The following OC90 variants were observed in gnomAD, a reference collection of about 807,000 sequenced individuals.
OC90 encodes the protein otoconin 90.
In OC90, 46 loss-of-function variants were observed where a neutral mutation model predicts 47.3. The ratio of observed to expected loss-of-function variants is 0.97; its 90% CI spans 0.77 to 1.24. OC90 has a LOEUF of 1.24. OC90 is among the 50% of genes most tolerant of loss of function. The pLI is 0.00. For missense variants in OC90, 688 were observed against 583.9 expected, an observed-to-expected ratio of 1.18 and a Z score of -1.84; for synonymous variants, 271 against 219.5, an observed-to-expected ratio of 1.23 and a Z score of -2.07.
intron 9 of OC90, among the ~76,000 whole-genome samples, chr8:132,035,343 C>T (rs890226590): frequency 6.6e-6 from 1 of 152,150 alleles, no homozygotes; most frequent in South Asian, 2.1e-4. Context: ...TATTAACTTA[C>T]CACAGCCCCT....
At chr8:132,047,483 G>A (rs7834419) in intron 2 of OC90, among the ~76,000 whole-genome samples, 55,080 of 151,940 alleles carry the variant, frequency 0.36, 10,232 homozygotes, top group East Asian at 0.48. Flanking sequence ...TTACAGGGTA[G>A]TTTTATTTAC....
chr8:132,044,456 A>G lies in OC90; in HGVS notation c.146T>C (p.Val49Ala), dbSNP rs1181842536. 1 of 1,557,088 alleles carries G rather than the reference A, an allele frequency of 6.4e-7. No homozygotes were observed. The highest frequency in any genetic ancestry group is 8.7e-7 in the Non-Finnish European group (1 of 1,143,664). Residue 49 changes from valine (V) to alanine (A), a missense_variant, in exon 4 of 14, where the codon GTG becomes GCG. Transcript: ENST00000254627. ...ACCAAAAATTTCAGCCACACTTTCCACATTTTTAAACATCCCACTGAAGAA... is the reference window on the plus strand; with the variant it reads ...ACCAAAAATTTCAGCCACACTTTCCGCATTTTTAAACATCCCACTGAAGAA... ...ITFFSGMFKN[V>A]ESVAEIFDCL...
rs1823263900 is a variant in OC90, at chr8:132,055,058, C to A, written c.-32G>T. 2 of 1,540,170 alleles carry A rather than the reference C, an allele frequency of 1.3e-6. No individual in the cohort carries two copies. The highest frequency in any genetic ancestry group is 1.4e-5 in the African/African-American group (1 of 72,722). ...AGAACAAAGGATGGGGCTTAGGCAGCAACTGGAACGGACTCCTGGGAGAGA... is the reference window on the plus strand; with the variant it reads ...AGAACAAAGGATGGGGCTTAGGCAGAAACTGGAACGGACTCCTGGGAGAGA... On this transcript the variant is annotated 5_prime_UTR_variant, in exon 2 of 14. Transcript: ENST00000254627.
chr8:132,039,007 C>A lies in OC90; in HGVS notation c.574G>T (p.Ala192Ser). The part of the protein sequence containing the change: ...LNLLDTSFCL[A>S]QTPETTIKED... ...AGGTTCTTCCTACCTGGAGTCTGAG[C>A]CAGGCAGAAGGAGGTGTCCAGAAGG... is the stretch of plus-strand genomic sequence containing the variant. Residue 192 changes from alanine (A) to serine (S), a missense_variant, in exon 7 of 14, where the codon GCT (alanine) becomes TCT (serine). Physicochemically the swap from Ala to Ser is moderately conservative, Grantham distance 99. Coordinates refer to ENST00000254627, the MANE Select transcript of OC90 (RefSeq NM_001080399.3). 1 of 1,613,944 alleles carries A rather than the reference C, an allele frequency of 6.2e-7. No homozygotes were observed. The highest frequency in any genetic ancestry group is 1.1e-5 in the South Asian group (1 of 91,068).
chr8:132,030,081 G>A (rs1334825280), intron 12 of OC90, among the ~76,000 whole-genome samples: 7 of 152,126 alleles, frequency 4.6e-5, no homozygotes, highest in Non-Finnish European at 1.0e-4. Context: ...ATAGCCACTG[G>A]CTAGAGTTCA....
At chr8:132,032,620 T>C (rs989752038) in intron 11 of OC90, among the ~76,000 whole-genome samples, 11 of 152,226 alleles carry the variant, frequency 7.2e-5, no homozygotes, top group Admixed American at 6.5e-4. Flanking sequence ...GCCCCTCCTC[T>C]GTATGCCCAA....
chr8:132,044,285 C>T (rs779894362), intron 4 of OC90, 148 bp downstream of exon 4: 3 of 620,966 alleles, frequency 4.8e-6, no homozygotes, highest in Non-Finnish European at 5.8e-6. Context: ...CCACTACTCT[C>T]GTCGGAACTT....
chr8:132,041,547 A>T lies in OC90; in HGVS notation c.322T>A (p.Leu108Met). 1 of 1,610,668 alleles carries T rather than the reference A, an allele frequency of 6.2e-7. No homozygotes were observed. The highest frequency in any genetic ancestry group is 8.5e-7 in the Non-Finnish European group (1 of 1,178,564). The change falls in exon 5 of 14, where the codon TTG (leucine) becomes ATG (methionine). Residue 108 changes from leucine to methionine, a missense_variant. Transcript: ENST00000254627. ...GCTCRFEMEG[L>M]PVDESDSCCF... Reference sequence around the variant, plus strand: ...TACCTGTCAGATTCATCCACAGGCAACCCTTCCATCTCAAACCTGCAGGTG... The same window carrying T: ...TACCTGTCAGATTCATCCACAGGCATCCCTTCCATCTCAAACCTGCAGGTG...
At chr8:132,041,388 A>G (rs1269903245) in intron 5 of OC90, 137 bp downstream of exon 5, 2 of 722,576 alleles carry the variant, frequency 2.8e-6, no homozygotes, top group Admixed American at 2.9e-5. Context: ...TCACCCAACT[A>G]GTAGGTAGTG....
chr8:132,039,884 A>AC (rs934852533), intron 6 of OC90, among the ~76,000 whole-genome samples: 3 of 149,238 alleles, frequency 2.0e-5, no homozygotes, highest in African/African-American at 7.4e-5. Flanking sequence ...TTTAAAGAGA[A>AC]CCCCCCCTTT....
chr8:132,053,450 G>A (rs1823243515), intron 2 of OC90, among the ~76,000 whole-genome samples: 1 of 152,220 alleles, frequency 6.6e-6, no homozygotes, highest in Non-Finnish European at 1.5e-5. Context: ...TGGCCAGTGA[G>A]TGGTGGCCTG....
intron 10 of OC90, 48 bp downstream of exon 10, chr8:132,034,733 G>T (rs1822929556): frequency 1.5e-6 from 2 of 1,328,930 alleles, no homozygotes; most frequent in Non-Finnish European, 1.1e-6. Context: ...AAGGACAAAG[G>T]ACATAAATGT....
chr8:132,037,218 A>C (rs952978560), intron 9 of OC90, among the ~76,000 whole-genome samples: 5 of 152,214 alleles, frequency 3.3e-5, no homozygotes, highest in African/African-American at 1.2e-4. Context: ...GTCCCCACCC[A>C]AATCTCATGT....
intron 12 of OC90, among the ~76,000 whole-genome samples, chr8:132,030,852 G>GCCACCCACACAT (rs1289116786): frequency 6.6e-6 from 1 of 152,192 alleles, no homozygotes; most frequent in Non-Finnish European, 1.5e-5. Flanking sequence ...AAAAAACACA[G>GCCACCCACACAT]CCACCCACAC....
chr8:132,054,133 G>A lies in OC90; in HGVS notation c.46+848C>T, dbSNP rs141857014. Among the ~76,000 whole-genome samples the A allele has an allele frequency of 1.6e-3, 244 of 152,254 alleles. 1 individual carries two copies. Among genetic ancestry groups the A allele is most frequent in the African/African-American group, 5.7e-3 (235 of 41,534 alleles). On this transcript the variant is annotated intron_variant, in intron 2 of 13. Transcript: ENST00000254627. Reference sequence around the variant, plus strand: ...GGCTGTGCTTGGAAGTCCAAGGCAGGGTTTGCACAGAGGCCTCGTCCCCTT... The same window carrying A: ...GGCTGTGCTTGGAAGTCCAAGGCAGAGTTTGCACAGAGGCCTCGTCCCCTT...
chr8:132,031,809 G>A (rs1007941517), intron 12 of OC90, 72 bp downstream of exon 12: 8 of 1,367,034 alleles, frequency 5.9e-6, no homozygotes, highest in Non-Finnish European at 8.2e-6. Flanking sequence ...GTCCAGGAGG[G>A]CTGTCACCAC....
rs116469891 is a variant in OC90 at position 132,045,226 on chromosome 8, G to A, written c.112+592C>T. Among the ~76,000 whole-genome samples the A allele has an allele frequency of 5.8e-3, 877 of 152,286 alleles. 11 individuals carry two copies. Among genetic ancestry groups the A allele is most frequent in the African/African-American group, 0.019 (810 of 41,554 alleles). ...TGGGACTGATTACTTTGCAAGTATG[G>A]ACTCACGCATGAATAATTTGGTTGA... is the stretch of plus-strand genomic sequence containing the variant. On this transcript the variant is annotated intron_variant, in intron 3 of 13. Coordinates refer to ENST00000254627, the MANE Select transcript of OC90 (RefSeq NM_001080399.3).
At chr8:132,050,157 G>A (rs1180395417) in intron 2 of OC90, among the ~76,000 whole-genome samples, 2 of 144,206 alleles carry the variant, frequency 1.4e-5, no homozygotes, top group East Asian at 4.4e-4. Context: ...AGCTTTCTAG[G>A]TAAAGGGGTC....
chr8:132,031,186 G>A (rs531536678), intron 12 of OC90, among the ~76,000 whole-genome samples: 1 of 152,184 alleles, frequency 6.6e-6, no homozygotes, highest in East Asian at 1.9e-4. Flanking sequence ...TTGTTTAATT[G>A]TCCATCTCTT....
Sources: allele counts gnomAD v4.1 joint callset (sites outside exome capture counted in the v4.1 genomes callset), GRCh38; gene constraint gnomAD v4.1.1; transcripts MANE v1.5; gene names NCBI Gene and HGNC (gene_info 2026-07-23, HGNC 2026-07-21).